Variants in MYH16 observed in about 807,000 individuals in gnomAD.
MYH16 encodes putative uncharacterized protein MYH16.
At chr7:99,242,061 A>G (rs1047170607) in intron 1 of MYH16, among the ~76,000 whole-genome samples, 2 of 152,070 alleles carry the variant, frequency 1.3e-5, no homozygotes, top group Non-Finnish European at 2.9e-5. Flanking sequence ...GGGTTTCGCC[A>G]TTTTGGCCAG....
At chr7:99,305,692 A>G (rs1792668403) in intron 40 of MYH16, 144 bp from the exon 22 acceptor site, 1 of 152,814 alleles carries the variant, frequency 6.5e-6, no homozygotes, top group African/African-American at 2.4e-5. Flanking sequence ...CAGGAGGATC[A>G]CTTGAGCGCA....
At chr7:99,276,348 A>G (rs1792111915) in intron 20 of MYH16, among the ~76,000 whole-genome samples, 1 of 152,168 alleles carries the variant, frequency 6.6e-6, no homozygotes, top group African/African-American at 2.4e-5. Context: ...TGGGAAATGT[A>G]TCTATTGACT....
At chr7:99,269,865 CTTTTTTTTT>C (rs983455403) in intron 18 of MYH16, among the ~76,000 whole-genome samples, 11 of 107,706 alleles carry the variant, frequency 1.0e-4, no homozygotes, top group African/African-American at 1.7e-4. Flanking sequence ...TCTGGGGACA[CTTTTTTTTT>C]TTTTTTTTTT....
intron 30 of MYH16, among the ~76,000 whole-genome samples, chr7:99,289,785 G>A (rs1164811490): frequency 6.6e-6 from 1 of 152,190 alleles, no homozygotes; most frequent in East Asian, 1.9e-4. Context: ...CCTTCAAAGA[G>A]CATTTGAAAG....
intron 37 of MYH16, among the ~76,000 whole-genome samples, chr7:99,300,254 C>T (rs952500869): frequency 2.6e-5 from 4 of 152,136 alleles, no homozygotes; most frequent in African/African-American, 9.7e-5. Flanking sequence ...GCCACCACGC[C>T]CAGCCCTGTC....
At chr7:99,278,545 C>G (rs889641012) in intron 21 of MYH16, among the ~76,000 whole-genome samples, 3 of 152,206 alleles carry the variant, frequency 2.0e-5, no homozygotes, top group Non-Finnish European at 4.4e-5. Flanking sequence ...TTTTCCTATT[C>G]CTTCCCTGAT....
intron 37 of MYH16, among the ~76,000 whole-genome samples, chr7:99,299,927 TTTTATTTATTTATTTATTTATTTA>T (rs61663432): frequency 5.1e-5 from 7 of 138,182 alleles, no homozygotes; most frequent in African/African-American, 1.6e-4. Flanking sequence ...TTTTATTTTA[TTTTATTTATTTATTTATTTATTTA>T]TTTATTTATT....
chr7:99,239,337 C>G (rs972160847), intron 1 of MYH16, among the ~76,000 whole-genome samples: 4 of 152,316 alleles, frequency 2.6e-5, no homozygotes, highest in Admixed American at 1.3e-4. Flanking sequence ...TTTGATGTCT[C>G]AAACAGCTCT....
intron 23 of MYH16, among the ~76,000 whole-genome samples, chr7:99,282,403 T>C (rs1413774875): frequency 1.4e-4 from 22 of 152,180 alleles, no homozygotes. Flanking sequence ...TTAGCAAATA[T>C]GAACCACTGC....
intron 16 of MYH16, chr7:99,265,520 G>A (rs946065138): frequency 6.5e-6 from 1 of 152,812 alleles, no homozygotes; most frequent in African/African-American, 2.4e-5. Flanking sequence ...GGACTGGCCT[G>A]TCCCACCCCA....
chr7:99,284,071 G>A (rs532526969), intron 25 of MYH16, 53 bp downstream of exon 7: 2 of 405,524 alleles, frequency 4.9e-6, no homozygotes, highest in Admixed American at 2.7e-5. Flanking sequence ...AATAGCTGGA[G>A]CTGCCTGGAG....
intron 8 of MYH16, among the ~76,000 whole-genome samples, chr7:99,254,770 G>A (rs921573499): frequency 3.9e-5 from 6 of 152,186 alleles, no homozygotes; most frequent in African/African-American, 1.4e-4. Context: ...ACCCACAGGT[G>A]GGCTTTATTT....
intron 1 of MYH16, among the ~76,000 whole-genome samples, chr7:99,243,104 C>T (rs1584339223): frequency 6.6e-6 from 1 of 152,206 alleles, no homozygotes; most frequent in Non-Finnish European, 1.5e-5. Flanking sequence ...CTGCATTGGC[C>T]TCAGAAGTGC....
chr7:99,285,016 G>A (rs1158346815), intron 26 of MYH16, 81 bp downstream of exon 8: 2 of 449,590 alleles, frequency 4.4e-6, no homozygotes, highest in Admixed American at 4.7e-5. Flanking sequence ...GCTACTTGGT[G>A]GCTGAGGTTT....
chr7:99,295,857 A>G (rs1329460716), intron 33 of MYH16, among the ~76,000 whole-genome samples: 1 of 149,740 alleles, frequency 6.7e-6, no homozygotes, highest in African/African-American at 2.5e-5. Context: ...AAAAAAAAAA[A>G]AAGGCTGGGC....
chr7:99,254,325 C>T (rs1007226003), intron 8 of MYH16: 4 of 152,218 alleles, frequency 2.6e-5, no homozygotes, highest in Non-Finnish European at 5.9e-5. Context: ...ATTTGCACAT[C>T]TCATCCTCAT....
At chr7:99,263,568 T>C (rs552815917) in intron 14 of MYH16, 2 of 152,240 alleles carry the variant, frequency 1.3e-5, no homozygotes, top group African/African-American at 4.8e-5. Context: ...GTGGAATAAG[T>C]GAGTGAGTAA....
chr7:99,275,025 CACT>C (rs1792092823), intron 20 of MYH16, among the ~76,000 whole-genome samples: 1 of 151,990 alleles, frequency 6.6e-6, no homozygotes, highest in Non-Finnish European at 1.5e-5. Flanking sequence ...CACAGGGTCT[CACT>C]CTGTTGCCCA....
rs111970422 is a variant in MYH16, at chr7:99,249,580, T to G, written n.540-399T>G. On this transcript the variant is annotated intron_variant and non_coding_transcript_variant, in intron 4 of 41. Transcript: ENST00000439784. ...AAGAAAAGAAAAGTGCTGTTTTTTT[T>G]TTTTTTTTTTTTTTTTTGAGATGGA... Among the ~76,000 whole-genome samples the G allele has an allele frequency of 2.1e-3, 269 of 128,806 alleles. 1 individual carries two copies. Among genetic ancestry groups the G allele is most frequent in the African/African-American group, 6.6e-3 (182 of 27,476 alleles). The allele number at this position is 128,806 out of a possible 152,430, so 84.5% of individuals were successfully genotyped here.
Sources: allele counts gnomAD v4.1 joint callset (sites outside exome capture counted in the v4.1 genomes callset), GRCh38; gene constraint gnomAD v4.1.1; transcripts MANE v1.5; gene names NCBI Gene and HGNC (gene_info 2026-07-23, HGNC 2026-07-21).